OPHN1: variants seen among roughly 807,000 people sequenced by gnomAD.
The protein encoded by OPHN1 is oligophrenin-1.
In OPHN1, 11 loss-of-function variants were observed where a neutral mutation model predicts 60.7. The observed-to-expected ratio is 0.18, with a 90% CI of 0.11 to 0.30. The LOEUF is 0.30. OPHN1 is among the 10% of genes least tolerant of loss of function. The pLI is 1.00. For synonymous variants in OPHN1, 226 were observed against 222.6 expected, an observed-to-expected ratio of 1.02 and a Z score of -0.14; for missense variants, 449 against 611.0, an observed-to-expected ratio of 0.73 and a Z score of 2.80.
intron 20 of OPHN1, chrX:68,070,578 C>T: frequency 1.5e-6 from 1 of 645,563 alleles, no homozygotes; most frequent in South Asian, 2.2e-5. Flanking sequence ...GAGCTCTAAA[C>T]TGGCACCACC....
intron 2 of OPHN1, among the ~76,000 whole-genome samples, chrX:68,301,603 A>G (rs1258034156): frequency 8.9e-6 from 1 of 111,739 alleles, no homozygotes; most frequent in African/African-American, 3.3e-5. Context: ...TCTAGACTAC[A>G]AAGAATCCAT....
intron 3 of OPHN1, among the ~76,000 whole-genome samples, chrX:68,286,340 A>G (rs1309917466): frequency 9.0e-6 from 1 of 111,678 alleles, no homozygotes; most frequent in Non-Finnish European, 1.9e-5. Flanking sequence ...AATATCTCCA[A>G]GCCTTTGCTG....
chrX:68,302,359 C>T (rs1434585688), intron 2 of OPHN1, among the ~76,000 whole-genome samples: 5 of 110,829 alleles, frequency 4.5e-5, no homozygotes, highest in Admixed American at 9.6e-5. Flanking sequence ...GAGGCCAACG[C>T]GGGCAGATTA....
At chrX:68,165,372 AGATGATG>A (rs1410827964) in intron 15 of OPHN1, among the ~76,000 whole-genome samples, 1 of 105,668 alleles carries the variant, frequency 9.5e-6, no homozygotes, top group Non-Finnish European at 1.9e-5. Flanking sequence ...GGACCCTAAG[AGATGATG>A]GTAGAGTTAT....
chrX:68,089,602 C>T (rs1460698022), intron 19 of OPHN1, among the ~76,000 whole-genome samples: 1 of 111,405 alleles, frequency 9.0e-6, no homozygotes, highest in Admixed American at 9.6e-5. Flanking sequence ...ATTACAGCCC[C>T]AGCTAGAGAG....
At chrX:68,353,249 T>C (rs2078422184) in intron 2 of OPHN1, among the ~76,000 whole-genome samples, 1 of 108,440 alleles carries the variant, frequency 9.2e-6, no homozygotes. Flanking sequence ...ACATACTTCA[T>C]ATACCATAAA....
At chrX:68,205,474 A>G (rs748120068) in intron 10 of OPHN1, among the ~76,000 whole-genome samples, 5 of 111,216 alleles carry the variant, frequency 4.5e-5, no homozygotes, top group South Asian at 7.6e-4. Flanking sequence ...TAATAACAAT[A>G]ATAATAAAGC....
intron 19 of OPHN1, among the ~76,000 whole-genome samples, chrX:68,088,811 G>A (rs1055731693): frequency 1.8e-5 from 2 of 110,698 alleles, no homozygotes; most frequent in Non-Finnish European, 3.8e-5. Flanking sequence ...CAAGGCTCAG[G>A]GGGGTAAACT....
chrX:68,387,798 TTACAA>T (rs1197571182), intron 2 of OPHN1, among the ~76,000 whole-genome samples: 1 of 111,531 alleles, frequency 9.0e-6, no homozygotes, highest in Non-Finnish European at 1.9e-5. Context: ...CATTAAATAA[TTACAA>T]TACAATATAC....
chrX:68,345,380 T>C (rs987284782), intron 2 of OPHN1, among the ~76,000 whole-genome samples: 6 of 112,103 alleles, frequency 5.4e-5, no homozygotes, highest in Admixed American at 9.6e-5. Flanking sequence ...TAAAAACCTA[T>C]ATCTACAAAA....
chrX:68,202,586 G>A (rs1016832970), intron 10 of OPHN1, among the ~76,000 whole-genome samples: 4 of 109,283 alleles, frequency 3.7e-5, no homozygotes, highest in Non-Finnish European at 3.8e-5. Context: ...TGCAACCTCC[G>A]CCTCCCGGGT....
At chrX:68,380,021 C>T (rs2078586569) in intron 2 of OPHN1, among the ~76,000 whole-genome samples, 1 of 110,698 alleles carries the variant, frequency 9.0e-6, no homozygotes, top group Non-Finnish European at 1.9e-5. Context: ...CCTCCTTGTA[C>T]CTCTGGTAGA....
At chrX:68,131,456 T>C (rs1202564048) in intron 15 of OPHN1, among the ~76,000 whole-genome samples, 3 of 110,723 alleles carry the variant, frequency 2.7e-5, no homozygotes, top group Non-Finnish European at 5.7e-5. Context: ...CCTCAAGTGA[T>C]CCGCCCACCT....
At position 68,334,994 on chromosome X, in the gene OPHN1, T is replaced by C. The variant is rs189960650; in HGVS notation, c.155-35898A>G. Among the ~76,000 whole-genome samples, 668 of 109,353 alleles carry C rather than the reference T, an allele frequency of 6.1e-3. 19 individuals carry two copies. Among genetic ancestry groups the C allele is most frequent in the Admixed American group, 0.057 (575 of 10,021 alleles). 95.0% of individuals were successfully genotyped at this position (109,353 alleles called of 115,157 possible). ...CTGTCTCAATTAATTAATTAATTAATTAATTAATAGTTCCTGTCCCAGAAG... is the reference window on the plus strand; with the variant it reads ...CTGTCTCAATTAATTAATTAATTAACTAATTAATAGTTCCTGTCCCAGAAG... On this transcript the variant is annotated intron_variant, in intron 2 of 24. Coordinates refer to ENST00000355520, the MANE Select transcript of OPHN1 (RefSeq NM_002547.3).
Position 68,104,300 on chromosome X carries a change from A to G in OPHN1, c.1527-7271T>C, listed in dbSNP as rs192329018. On this transcript the variant is annotated intron_variant, in intron 18 of 24. Coordinates refer to ENST00000355520, the MANE Select transcript of OPHN1 (RefSeq NM_002547.3). ...AGCTACCATTGACTTTCTTCACATA[A>G]TTAGAAACAACTACTTTAAATTTCA... Among the ~76,000 whole-genome samples, 4 of 112,060 alleles carry G rather than the reference A, an allele frequency of 3.6e-5. No homozygotes were observed. In the Admixed American group the frequency reaches 3.8e-4, roughly 11 times the overall value.
chrX:68,084,378 C>T (rs1355227987), intron 19 of OPHN1, among the ~76,000 whole-genome samples: 18 of 67,345 alleles, frequency 2.7e-4, no homozygotes, highest in African/African-American at 9.9e-4. Context: ...GAGGGAGGAA[C>T]GGAGGGAACG....
At chrX:68,223,459 AT>A (rs1177400029) in intron 6 of OPHN1, among the ~76,000 whole-genome samples, 2 of 112,068 alleles carry the variant, frequency 1.8e-5, no homozygotes, top group Non-Finnish European at 3.8e-5. Flanking sequence ...CTCAAATCAA[AT>A]ACCTCACATT....
intron 18 of OPHN1, among the ~76,000 whole-genome samples, chrX:68,108,206 A>G (rs2077089515): frequency 8.9e-6 from 1 of 111,803 alleles, no homozygotes; most frequent in South Asian, 3.7e-4. Context: ...TATTAGTGTG[A>G]CTCTGTTCTT....
chrX:68,127,273 G>A lies in OPHN1; in HGVS notation c.1277-7941C>T, dbSNP rs765517308. On this transcript the variant is annotated intron_variant, in intron 15 of 24. Coordinates refer to ENST00000355520, the MANE Select transcript of OPHN1 (RefSeq NM_002547.3). ...AGTGAGAAACACAAGGTTTTAGAAC[G>A]TGGCTGATATAAGGTGACAATGTGA... Among the ~76,000 whole-genome samples, 22 of 112,187 alleles carry A rather than the reference G, an allele frequency of 2.0e-4. No individual in the cohort carries two copies. The South Asian group carries it at 6.7e-3, about 34-fold the overall frequency.
Sources: gnomAD v4.1 joint callset for allele counts (sites outside exome capture counted in the v4.1 genomes callset) on GRCh38, gnomAD v4.1.1 for gene constraint, MANE v1.5 for transcripts, NCBI Gene and HGNC (gene_info 2026-07-23, HGNC 2026-07-21) for gene names.